Variants in PARD3 observed in about 807,000 individuals in gnomAD.
The protein encoded by PARD3 is par-3 family cell polarity regulator.
PARD3 carries 75 observed loss-of-function variants against 155.4 expected under a neutral mutation model. The ratio of observed to expected loss-of-function variants is 0.48; its 90% CI spans 0.40 to 0.58. The LOEUF is 0.58. Among genes scored for constraint, PARD3 ranks in the 20% least tolerant of loss-of-function variants. The pLI, the probability that PARD3 is intolerant of heterozygous loss-of-function variation, is 0.00. For missense variants in PARD3, 1,642 were observed against 1,721.7 expected, an observed-to-expected ratio of 0.95 and a Z score of 0.82; for synonymous variants, 576 against 610.5, an observed-to-expected ratio of 0.94 and a Z score of 0.83.
At chr10:34,629,831 T>C (rs932823675) in intron 2 of PARD3, among the ~76,000 whole-genome samples, 2 of 152,262 alleles carry the variant, frequency 1.3e-5, no homozygotes, top group African/African-American at 4.8e-5. Flanking sequence ...TGTCATTTTC[T>C]GTAGGTCAGT....
chr10:34,170,542 C>T (rs1196617058), intron 22 of PARD3, among the ~76,000 whole-genome samples: 2 of 152,132 alleles, frequency 1.3e-5, no homozygotes, highest in Non-Finnish European at 2.9e-5. Flanking sequence ...TGACAAACAT[C>T]AGGATAGAGG....
At chr10:34,770,880 G>T (rs1320915579) in intron 1 of PARD3, among the ~76,000 whole-genome samples, 1 of 152,126 alleles carries the variant, frequency 6.6e-6, no homozygotes, top group Non-Finnish European at 1.5e-5. Flanking sequence ...TGAGGCCATG[G>T]ATTTGCCAGC....
rs1950803945 is a variant in PARD3, at chr10:34,193,484, G to A, written c.3420-61901C>T. ...GCAAGTTAATAACAATGATGAAAAA[G>A]GCTCCAAACTTCTAACGGCCTTCTT... On this transcript the variant is annotated intron_variant, in intron 22 of 24. Transcript: ENST00000374788. Among the ~76,000 whole-genome samples, 4 of 152,082 alleles carry A rather than the reference G, an allele frequency of 2.6e-5. No homozygotes were observed. In the South Asian group the frequency reaches 8.3e-4, roughly 32 times the overall value.
chr10:34,195,450 G>A (rs1168940880), intron 22 of PARD3, among the ~76,000 whole-genome samples: 3 of 152,018 alleles, frequency 2.0e-5, no homozygotes, highest in African/African-American at 7.3e-5. Flanking sequence ...GTACTAAAAC[G>A]AGTAGTAACT....
At chr10:34,574,035 A>C (rs960432103) in intron 2 of PARD3, among the ~76,000 whole-genome samples, 1 of 152,150 alleles carries the variant, frequency 6.6e-6, no homozygotes, top group African/African-American at 2.4e-5. Flanking sequence ...CTATAATACA[A>C]TACATCCTAT....
At chr10:34,330,051 A>G (rs1211419018) in intron 19 of PARD3, among the ~76,000 whole-genome samples, 1 of 150,972 alleles carries the variant, frequency 6.6e-6, no homozygotes, top group African/African-American at 2.4e-5. Context: ...AGTAATTTAC[A>G]ATCTACACAA....
At chr10:34,380,145 A>G (rs561795119) in intron 9 of PARD3, among the ~76,000 whole-genome samples, 1 of 152,124 alleles carries the variant, frequency 6.6e-6, no homozygotes, top group African/African-American at 2.4e-5. Context: ...TTATTAAAAT[A>G]TATGCATTTA....
chr10:34,217,613 G>A (rs887743345), intron 22 of PARD3, among the ~76,000 whole-genome samples: 1 of 152,114 alleles, frequency 6.6e-6, no homozygotes, highest in Admixed American at 6.5e-5. Flanking sequence ...AACCATGCTC[G>A]TGGCGTGCAC....
intron 20 of PARD3, among the ~76,000 whole-genome samples, chr10:34,287,029 C>A (rs1178356685): frequency 3.9e-5 from 6 of 151,914 alleles, no homozygotes; most frequent in African/African-American, 4.8e-5. Flanking sequence ...ATATACAGGG[C>A]CAGGGAAGGA....
At chr10:34,501,290 A>G (rs925148526) in intron 3 of PARD3, among the ~76,000 whole-genome samples, 10 of 152,076 alleles carry the variant, frequency 6.6e-5, no homozygotes, top group African/African-American at 2.2e-4. Context: ...AGGATATCTG[A>G]TCATTTAAAA....
At chr10:34,470,060 G>A in intron 4 of PARD3, 25 bp downstream of exon 4, 2 of 1,558,488 alleles carry the variant, frequency 1.3e-6, no homozygotes, top group South Asian at 1.2e-5. Flanking sequence ...GCAAGAGACA[G>A]CAGCAAACAA....
chr10:34,237,857 C>A (rs960008548), intron 22 of PARD3, among the ~76,000 whole-genome samples: 4 of 152,124 alleles, frequency 2.6e-5, no homozygotes, highest in Non-Finnish European at 5.9e-5. Flanking sequence ...CTTGGCTTCA[C>A]ACTGGTAAAT....
At chr10:34,250,155 C>G (rs368442480) in intron 22 of PARD3, among the ~76,000 whole-genome samples, 10,308 of 151,526 alleles carry the variant, frequency 0.068, 501 homozygotes, top group Non-Finnish European at 0.095. Flanking sequence ...TGCTCCCCCT[C>G]CACACACACA....
intron 2 of PARD3, among the ~76,000 whole-genome samples, chr10:34,606,051 T>C (rs2090389561): frequency 7.0e-6 from 1 of 143,084 alleles, no homozygotes; most frequent in African/African-American, 2.6e-5. Context: ...ATCTTCTATA[T>C]ATATATATGA....
At chr10:34,331,798 C>T (rs1432779610) in intron 18 of PARD3, among the ~76,000 whole-genome samples, 1 of 151,544 alleles carries the variant, frequency 6.6e-6, no homozygotes, top group Non-Finnish European at 1.5e-5. Flanking sequence ...AGAAGCTAGA[C>T]ATGCACATCA....
chr10:34,399,556 T>C (rs1380399955), intron 6 of PARD3, 143 bp from the exon 7 acceptor site: 5 of 637,016 alleles, frequency 7.8e-6, no homozygotes, highest in Middle Eastern at 3.4e-4. Context: ...ACCAAGTGCA[T>C]AGGCATATAT....
chr10:34,287,792 C>CAT (rs1956471724), intron 20 of PARD3, among the ~76,000 whole-genome samples: 1 of 152,174 alleles, frequency 6.6e-6, no homozygotes, highest in African/African-American at 2.4e-5. Flanking sequence ...CTAAGGATTG[C>CAT]ATATTTTCCC....
At chr10:34,496,030 C>T (rs2133372518) in intron 3 of PARD3, among the ~76,000 whole-genome samples, 1 of 151,964 alleles carries the variant, frequency 6.6e-6, no homozygotes, top group South Asian at 2.1e-4. Context: ...TGGCAAAACC[C>T]TGTCTCTGCA....
At chr10:34,573,815 C>T (rs2086668274) in intron 2 of PARD3, among the ~76,000 whole-genome samples, 1 of 151,088 alleles carries the variant, frequency 6.6e-6, no homozygotes, top group Non-Finnish European at 1.5e-5. Flanking sequence ...CCGAACTATA[C>T]TTGCTTCATG....
Sources: allele counts gnomAD v4.1 joint callset (sites outside exome capture counted in the v4.1 genomes callset), GRCh38; gene constraint gnomAD v4.1.1; transcripts MANE v1.5; gene names NCBI Gene and HGNC (gene_info 2026-07-23, HGNC 2026-07-21).